The following USP42 variants were observed in gnomAD, a reference collection of about 807,000 sequenced individuals.
The protein encoded by USP42 is ubiquitin carboxyl-terminal hydrolase 42.
USP42 carries 23 observed loss-of-function variants against 113.0 expected under a neutral mutation model. That is an observed-to-expected ratio of 0.20 (90% CI 0.15 to 0.29). USP42 has a LOEUF of 0.29. USP42 is among the 10% of genes least tolerant of loss of function. The pLI, the probability that USP42 is intolerant of heterozygous loss-of-function variation, is 1.00. For missense variants in USP42, 2,174 were observed against 1,779.8 expected, an observed-to-expected ratio of 1.22 and a Z score of -3.99; for synonymous variants, 933 against 699.0, an observed-to-expected ratio of 1.33 and a Z score of -5.28.
chr7:6,083,515 C>T, the USP42 span, among the ~76,000 whole-genome samples: 1 of 150,450 alleles, frequency 6.6e-6, no homozygotes, highest in Admixed American at 6.6e-5. Context: ...CTCGGCCTCC[C>T]AAAGTGCTGG....
intron 11 of USP42, 115 bp downstream of exon 11, chr7:6,146,363 T>A: frequency 2.8e-6 from 2 of 726,670 alleles, no homozygotes; most frequent in Non-Finnish European, 4.4e-6. Flanking sequence ...CCCAGCAGCT[T>A]AAAGATCAAC....
rs1465077920 is a variant in USP42, at chr7:6,139,821, AG to A, written c.657-305del. On this transcript the variant is annotated intron_variant, in intron 5 of 17. Transcript: ENST00000306177. The surrounding 1 kb of genome is among the most constrained non-coding windows in gnomAD (Gnocchi z 4.5). ...GCCTCCGCTCCCTTTCCTCCCACAC[AG>A]GCCGCAGTGCCCGGAGGCTGCCATC... The A allele has an allele frequency of 2.2e-6, 1 of 449,980 alleles. No homozygotes were observed. Among genetic ancestry groups the A allele is most frequent in the East Asian group, 4.5e-5 (1 of 22,246 alleles). The allele number at this position is 449,980 out of a possible 1,614,324, so 27.9% of individuals were successfully genotyped here. A position where few individuals can be genotyped will look rare whatever the true frequency, so the allele number is the denominator to read the frequency against.
intron 4 of USP42, among the ~76,000 whole-genome samples, chr7:6,138,207 T>A (rs1781251193): frequency 6.6e-6 from 1 of 152,248 alleles, no homozygotes; most frequent in Non-Finnish European, 1.5e-5. Context: ...AAATTCAGTA[T>A]ATATGTTTTA....
At chr7:6,116,874 C>T (rs1175819800) in intron 3 of USP42, 2 of 531,970 alleles carry the variant, frequency 3.8e-6, no homozygotes, top group South Asian at 1.4e-5. Flanking sequence ...AAACCCAGCA[C>T]TAGCACCTGG....
Position 6,153,772 on chromosome 7 carries a change from A to C in USP42, c.2218A>C (p.Arg740=), listed in dbSNP as rs969643056. 2 of 1,472,636 alleles carry C rather than the reference A, an allele frequency of 1.4e-6. No individual in the cohort carries two copies. Among genetic ancestry groups the C allele is most frequent in the Middle Eastern group, 2.5e-4 (1 of 4,070 alleles). The allele number at this position is 1,472,636 out of a possible 1,614,324, so 91.2% of individuals were successfully genotyped here. The change falls in exon 15 of 18, where the codon AGG becomes CGG. Residue 740 remains arginine (R), a synonymous_variant. Transcript: ENST00000306177. ...GGGCTGCAGTGCACCTGGAGCAGAG[A>C]GGGGCCCTCCCGAGGACCGCGACGC... ...TDEMSAPGAE[R]GPPEDRDAEP... is the part of the protein sequence containing the mutation.
In USP42 at chr7:6,144,103, A is replaced by G. The variant is rs759845063; in HGVS notation, c.897A>G (p.Pro299=). 5 of 1,570,092 alleles carry G rather than the reference A, an allele frequency of 3.2e-6. No homozygotes were observed. Among genetic ancestry groups the G allele is most frequent in the Non-Finnish European group, 4.3e-6 (5 of 1,165,726 alleles). ...TTTCAAGGTGTAAAAAGATGGTTCC[A>G]GCTTCAAAGAGGTTCACTATCCATA... ...YKCSKCKKMV[P]ASKRFTIHRS... is the part of the protein sequence containing the mutation. Residue 299 remains proline, a synonymous_variant, in exon 9 of 18, where the codon CCA becomes CCG. Coordinates refer to ENST00000306177, the MANE Select transcript of USP42 (RefSeq NM_032172.3).
At chr7:6,128,256 CTTT>C (rs376183536) in intron 3 of USP42, 28 of 134,812 alleles carry the variant, frequency 2.1e-4, no homozygotes, top group African/African-American at 6.6e-4. Context: ...CCTGGCCCTG[CTTT>C]TTTTTTTTTT....
intron 14 of USP42, among the ~76,000 whole-genome samples, chr7:6,151,306 C>CA (rs1782035340): frequency 6.6e-6 from 1 of 152,220 alleles, no homozygotes; most frequent in Non-Finnish European, 1.5e-5. Context: ...TTGATTTCTT[C>CA]AATAGTAAAC....
intron 3 of USP42, among the ~76,000 whole-genome samples, chr7:6,134,601 G>T (rs545136089): frequency 1.3e-5 from 2 of 152,224 alleles, no homozygotes; most frequent in African/African-American, 4.8e-5. Context: ...GGGCTGTCCG[G>T]TGCATTCGAG....
intron 4 of USP42, among the ~76,000 whole-genome samples, chr7:6,138,233 T>C (rs1446576785): frequency 6.6e-6 from 1 of 152,266 alleles, no homozygotes; most frequent in Non-Finnish European, 1.5e-5. Flanking sequence ...ATATTGCTTA[T>C]ACTTTTGTGT....
At chr7:6,131,563 T>G (rs2128495454) in intron 3 of USP42, among the ~76,000 whole-genome samples, 1 of 152,256 alleles carries the variant, frequency 6.6e-6, no homozygotes, top group South Asian at 2.1e-4. Flanking sequence ...TTCTAAAGGT[T>G]TCTGTCACAC....
At chr7:6,091,982 TTCTTCTTCTTCTTCTTCTTCTTCTTC>T in the USP42 span, among the ~76,000 whole-genome samples, 1 of 21,364 alleles carries the variant, frequency 4.7e-5, no homozygotes, top group East Asian at 1.3e-3. Flanking sequence ...GTATTTTTTC[TTCTTCTTCTTCTTCTTCTTCTTCTTC>T]TTCTTCTTCT....
intron 8 of USP42, 128 bp from the exon 9 acceptor site, chr7:6,143,956 GT>G: frequency 1.9e-6 from 1 of 527,820 alleles, no homozygotes; most frequent in Non-Finnish European, 3.2e-6. Context: ...AAGGCTGGTG[GT>G]TCTCATCCAG....
intron 3 of USP42, among the ~76,000 whole-genome samples, chr7:6,131,982 G>C (rs1056578115): frequency 6.6e-6 from 1 of 152,206 alleles, no homozygotes; most frequent in East Asian, 1.9e-4. Context: ...ACCCAGGCTA[G>C]AGTGCAGTGG....
rs1265384419 is a variant in USP42, at chr7:6,140,971, C to T, written c.782C>T (p.Thr261Ile). Reference sequence around the variant, plus strand: ...ACTTTTGATCCATATCTTGATATAACATTGGAGATAAAGGTAAATTTCATA... The same window carrying T: ...ACTTTTGATCCATATCTTGATATAATATTGGAGATAAAGGTAAATTTCATA... Reference protein sequence around the residue: ...SDTFDPYLDITLEIKAAQSVN... With the variant: ...SDTFDPYLDIILEIKAAQSVN... Residue 261 changes from threonine (T) to isoleucine (I), a missense_variant, in exon 7 of 18, where the codon ACA (threonine) becomes ATA (isoleucine). Physicochemically the swap from Thr to Ile is moderately conservative, Grantham distance 89 (BLOSUM62 -1). Transcript: ENST00000306177. The T allele has an allele frequency of 2.0e-6, 3 of 1,526,394 alleles. No individual in the cohort carries two copies. The highest frequency in any genetic ancestry group is 2.7e-6 in the Non-Finnish European group (3 of 1,122,360). The allele number at this position is 1,526,394 out of a possible 1,614,324, so 94.6% of individuals were successfully genotyped here.
At chr7:6,103,501 G>A (rs1252528310), upstream of USP42, among the ~76,000 whole-genome samples, 4 of 145,186 alleles carry the variant, frequency 2.8e-5, no homozygotes, top group South Asian at 8.6e-4. Context: ...TGGGCCATAA[G>A]AGCAAACTCC....
chr7:6,116,734 T>C, intron 3 of USP42: 1 of 531,130 alleles, frequency 1.9e-6, no homozygotes, highest in Non-Finnish European at 3.9e-6. Context: ...ACCACCTACC[T>C]AGGGGTGTTT....
chr7:6,157,469 C>T lies in USP42; in HGVS notation c.3943+414C>T. On this transcript the variant is annotated intron_variant, in intron 16 of 17. Coordinates refer to ENST00000306177, the MANE Select transcript of USP42 (RefSeq NM_032172.3). The surrounding 1 kb of genome is among the most constrained non-coding windows in gnomAD (Gnocchi z 4.1). ...TGGAGTGCAGTGGCGGCGATCTCAG[C>T]TCACTGCAACCTCTGCCTCCCAGGT... 1 of 796,482 alleles carries T rather than the reference C, an allele frequency of 1.3e-6. No individual in the cohort carries two copies. The highest frequency in any genetic ancestry group is 1.5e-6 in the Non-Finnish European group (1 of 657,658). The allele number at this position is 796,482 out of a possible 1,614,324, so 49.3% of individuals were successfully genotyped here. A position where few individuals can be genotyped will look rare whatever the true frequency, so the allele number is the denominator to read the frequency against.
chr7:6,118,286 C>T (rs986875377), intron 3 of USP42, among the ~76,000 whole-genome samples: 1 of 152,014 alleles, frequency 6.6e-6, no homozygotes, highest in African/African-American at 2.4e-5. Context: ...TTTTGGGAGG[C>T]TGAGGCGGGT....
Sources: gnomAD v4.1 joint callset for allele counts (sites outside exome capture counted in the v4.1 genomes callset) on GRCh38, gnomAD v4.1.1 for gene constraint, Gnocchi (gnomAD v3.1) non-coding constraint, MANE v1.5 for transcripts, NCBI Gene and HGNC (gene_info 2026-07-23, HGNC 2026-07-21) for gene names.